SSBP3: variants seen among roughly 807,000 people sequenced by gnomAD.
The protein encoded by SSBP3 is single stranded DNA binding protein 3, also known as single-stranded DNA-binding protein 3.
A neutral mutation model predicts 69.6 loss-of-function variants in SSBP3; 5 were observed. The observed-to-expected ratio is 0.07, with a 90% CI of 0.04 to 0.15. The LOEUF (loss-of-function observed/expected upper bound fraction) is 0.15. Among genes scored for constraint, SSBP3 ranks in the 10% least tolerant of loss-of-function variants. SSBP3 has a pLI of 1.00. For missense variants in SSBP3, 312 were observed against 534.0 expected (o/e 0.58, Z 4.10); for synonymous variants, 196 against 193.4 (o/e 1.01, Z -0.11).
intron 14 of SSBP3, 194 bp downstream of exon 14, chr1:54,238,935 C>T: frequency 5.3e-6 from 2 of 376,656 alleles, no homozygotes; most frequent in Non-Finnish European, 5.4e-6. Context: ...CCCACCCCTT[C>T]CTCTCCCACC....
chr1:54,254,998 A>G (rs1401602475), intron 7 of SSBP3, among the ~76,000 whole-genome samples: 1 of 151,914 alleles, frequency 6.6e-6, no homozygotes, highest in East Asian at 1.9e-4. Flanking sequence ...ATGCCTGGCT[A>G]ATTTTTGGAT....
rs536931815 is a variant in SSBP3, at chr1:54,311,752, T to C, written c.277-30225A>G. 1.4e-4 allele frequency among the ~76,000 whole-genome samples: 22 copies of C among 152,268 alleles called. 1 individual carries two copies. Among genetic ancestry groups the C allele is most frequent in the African/African-American group, 4.8e-4 (20 of 41,550 alleles). On this transcript the variant is annotated intron_variant, in intron 4 of 17. Coordinates refer to ENST00000610401, the Ensembl canonical transcript of SSBP3. Reference sequence around the variant, plus strand: ...TCAGAGTCTCCAATTTCTAAGGTTTTTGGCTGGAGAATGAGCCAAACCATC... The same window carrying C: ...TCAGAGTCTCCAATTTCTAAGGTTTCTGGCTGGAGAATGAGCCAAACCATC...
chr1:54,391,653 T>C (rs946619635), intron 4 of SSBP3, among the ~76,000 whole-genome samples: 1 of 152,184 alleles, frequency 6.6e-6, no homozygotes, highest in Non-Finnish European at 1.5e-5. Flanking sequence ...GTCAGAGGAC[T>C]GTGAAACAGA....
intron 1 of SSBP3, 42 bp downstream of exon 1, chr1:54,405,911 G>A: frequency 3.6e-5 from 28 of 784,782 alleles, no homozygotes; most frequent in Non-Finnish European, 4.6e-5. Context: ...CCCGCCCGCA[G>A]CCCGGCGGCG....
At chr1:54,344,895 G>A (rs542692030) in intron 4 of SSBP3, among the ~76,000 whole-genome samples, 10 of 152,354 alleles carry the variant, frequency 6.6e-5, no homozygotes, top group South Asian at 2.1e-4. Flanking sequence ...CTGCTTGAGC[G>A]CGTCGCTGGC....
chr1:54,402,299 G>C (rs1039787639), intron 3 of SSBP3, among the ~76,000 whole-genome samples: 3 of 152,178 alleles, frequency 2.0e-5, no homozygotes, highest in African/African-American at 7.2e-5. Context: ...ACTCATGGAT[G>C]CCCTAGGAGG....
At chr1:54,371,218 T>C (rs1454740511) in intron 4 of SSBP3, among the ~76,000 whole-genome samples, 1 of 152,246 alleles carries the variant, frequency 6.6e-6, no homozygotes, top group African/African-American at 2.4e-5. Flanking sequence ...AGGAGCTGCA[T>C]GTTCTCACAA....
intron 3 of SSBP3, among the ~76,000 whole-genome samples, chr1:54,404,183 G>A (rs924876478): frequency 3.9e-5 from 6 of 152,008 alleles, no homozygotes; most frequent in East Asian, 1.9e-4. Context: ...GAAAAAGGAA[G>A]GGACAGGCTA....
intron 5 of SSBP3, among the ~76,000 whole-genome samples, chr1:54,260,822 G>A (rs1208171609): frequency 1.3e-5 from 2 of 152,232 alleles, no homozygotes; most frequent in African/African-American, 4.8e-5. Flanking sequence ...GGAGCTAGGG[G>A]TTGGAATGAT....
chr1:54,277,854 C>T (rs1460945234), intron 5 of SSBP3, among the ~76,000 whole-genome samples: 1 of 152,096 alleles, frequency 6.6e-6, no homozygotes, highest in Non-Finnish European at 1.5e-5. Context: ...AACTAGGGAA[C>T]CCACCCAGAT....
intron 4 of SSBP3, among the ~76,000 whole-genome samples, chr1:54,362,684 CA>C (rs1190475338): frequency 5.3e-5 from 8 of 152,204 alleles, no homozygotes; most frequent in Non-Finnish European, 1.0e-4. Context: ...AGCAGGCCCC[CA>C]AATCTAACCT....
intron 4 of SSBP3, among the ~76,000 whole-genome samples, chr1:54,305,236 A>G (rs6695534): frequency 6.6e-6 from 1 of 151,996 alleles, no homozygotes; most frequent in Non-Finnish European, 1.5e-5. Flanking sequence ...AAAGACATTC[A>G]GTAGCTGTGA....
At chr1:54,346,187 C>T (rs1646687423) in intron 4 of SSBP3, among the ~76,000 whole-genome samples, 1 of 150,964 alleles carries the variant, frequency 6.6e-6, no homozygotes, top group East Asian at 2.0e-4. Flanking sequence ...TAGCCAGGCG[C>T]GGCACCATGT....
chr1:54,243,781 T>C (rs1644684202), intron 9 of SSBP3, among the ~76,000 whole-genome samples: 1 of 152,154 alleles, frequency 6.6e-6, no homozygotes, highest in African/African-American at 2.4e-5. Context: ...GCCTGGCACA[T>C]ACAGACACGC....
intron 4 of SSBP3, among the ~76,000 whole-genome samples, chr1:54,378,222 T>C (rs1049964944): frequency 6.6e-6 from 1 of 152,228 alleles, no homozygotes; most frequent in African/African-American, 2.4e-5. Context: ...CTTTCTTTCA[T>C]GGATAGATTT....
intron 4 of SSBP3, among the ~76,000 whole-genome samples, chr1:54,289,603 G>C (rs1366586747): frequency 3.3e-5 from 5 of 152,164 alleles, no homozygotes; most frequent in Admixed American, 3.3e-4. Flanking sequence ...GCTGTGAGCG[G>C]GGATTAGGGG....
At chr1:54,232,914 G>T (rs1386790066) in intron 14 of SSBP3, among the ~76,000 whole-genome samples, 1 of 152,138 alleles carries the variant, frequency 6.6e-6, no homozygotes, top group Non-Finnish European at 1.5e-5. Flanking sequence ...GTGCAGTGGC[G>T]TGATCTCGGC....
chr1:54,349,985 G>A (rs772831000), intron 4 of SSBP3, among the ~76,000 whole-genome samples: 15 of 151,976 alleles, frequency 9.9e-5, no homozygotes, highest in Admixed American at 2.0e-4. Context: ...AAATTAAACC[G>A]CTCTAAACCC....
intron 4 of SSBP3, among the ~76,000 whole-genome samples, chr1:54,392,148 T>A (rs1197128741): frequency 6.6e-6 from 1 of 152,200 alleles, no homozygotes. Flanking sequence ...GCACTAAGAC[T>A]ATGGCAGCAA....
Sources: gnomAD v4.1 joint callset for allele counts (sites outside exome capture counted in the v4.1 genomes callset) on GRCh38, gnomAD v4.1.1 for gene constraint, MANE v1.5 for transcripts, NCBI Gene and HGNC (gene_info 2026-07-23, HGNC 2026-07-21) for gene names.